The following SCHIP1 variants were observed in gnomAD, a reference collection of about 807,000 sequenced individuals.
SCHIP1 encodes the protein schwannomin interacting protein 1.
A neutral mutation model predicts 29.7 loss-of-function variants in SCHIP1; 8 were observed. The observed-to-expected ratio is 0.27, with a 90% confidence interval of 0.16 to 0.49. The LOEUF (loss-of-function observed/expected upper bound fraction) is 0.49. Ranked by LOEUF, SCHIP1 falls within the 20% of genes least tolerant of loss-of-function variation. The pLI is 0.99. For missense variants in SCHIP1, 193 were observed against 294.6 expected (o/e 0.66, Z 2.52); for synonymous variants, 76 against 94.9 (o/e 0.80, Z 1.16).
At chr3:159,576,081 A>G in the SCHIP1 span, among the ~76,000 whole-genome samples, 5 of 152,198 alleles carry the variant, frequency 3.3e-5, no homozygotes, top group Non-Finnish European at 5.9e-5. Context: ...CATAAAATAT[A>G]TATTTTCAAA....
chr3:159,538,511 GT>G, the SCHIP1 span, among the ~76,000 whole-genome samples: 2 of 152,128 alleles, frequency 1.3e-5, no homozygotes, highest in African/African-American at 4.8e-5. Context: ...ATCTCCTCTT[GT>G]GTGACAGTAG....
chr3:159,402,481 C>T, the SCHIP1 span, among the ~76,000 whole-genome samples: 1 of 152,264 alleles, frequency 6.6e-6, no homozygotes, highest in South Asian at 2.1e-4. Flanking sequence ...CATATGCACA[C>T]ATATATTTAT....
At chr3:159,511,648 AGTACAAG>A in the SCHIP1 span, among the ~76,000 whole-genome samples, 1 of 152,182 alleles carries the variant, frequency 6.6e-6, no homozygotes. Context: ...GCGTGGTTTC[AGTACAAG>A]GATAGACAGA....
chr3:159,376,896 G>C, the SCHIP1 span, among the ~76,000 whole-genome samples: 1 of 152,154 alleles, frequency 6.6e-6, no homozygotes, highest in African/African-American at 2.4e-5. Context: ...AGAACTTGTG[G>C]CTTCTGTTGC....
the SCHIP1 span, among the ~76,000 whole-genome samples, chr3:159,559,284 A>ATGT: frequency 1.3e-5 from 2 of 152,218 alleles, no homozygotes; most frequent in African/African-American, 4.8e-5. Flanking sequence ...CTTTCCCATT[A>ATGT]GTATACAGAG....
chr3:159,793,838 G>A, the SCHIP1 span, among the ~76,000 whole-genome samples: 2 of 152,170 alleles, frequency 1.3e-5, no homozygotes, highest in African/African-American at 4.8e-5. Flanking sequence ...GATTACAAGC[G>A]TGAGCCACTG....
chr3:159,489,257 CCTCT>C, the SCHIP1 span, among the ~76,000 whole-genome samples: 1 of 151,984 alleles, frequency 6.6e-6, no homozygotes, highest in African/African-American at 2.4e-5. Flanking sequence ...ATGTTGACTC[CCTCT>C]ATCTCTGTGA....
At chr3:159,494,935 T>C in the SCHIP1 span, among the ~76,000 whole-genome samples, 1 of 152,200 alleles carries the variant, frequency 6.6e-6, no homozygotes, top group African/African-American at 2.4e-5. Context: ...ATCCCTGGGA[T>C]GCAAGGCTGG....
chr3:159,626,147 GATATATATATATATCTAGATAT>G, the SCHIP1 span, among the ~76,000 whole-genome samples: 4 of 82,636 alleles, frequency 4.8e-5, no homozygotes, highest in South Asian at 3.2e-4. Context: ...GATATATCTA[GATATATATATATATCTAGATAT>G]ATCTATCTAT....
the SCHIP1 span, among the ~76,000 whole-genome samples, chr3:159,594,984 T>G: frequency 3.3e-5 from 5 of 152,054 alleles, no homozygotes; most frequent in African/African-American, 1.2e-4. Flanking sequence ...TCTAAAGAGC[T>G]CTTTGGCCAG....
chr3:159,492,213 C>T, the SCHIP1 span, among the ~76,000 whole-genome samples: 1 of 152,202 alleles, frequency 6.6e-6, no homozygotes. Context: ...TCCAAAGGAA[C>T]ACAGCTCCCT....
At chr3:159,713,070 G>T in the SCHIP1 span, among the ~76,000 whole-genome samples, 1 of 151,300 alleles carries the variant, frequency 6.6e-6, no homozygotes, top group African/African-American at 2.4e-5. Context: ...CAGGAGAATT[G>T]CTTGAACCTG....
the SCHIP1 span, among the ~76,000 whole-genome samples, chr3:159,477,332 T>C: frequency 1.3e-5 from 2 of 152,182 alleles, no homozygotes; most frequent in Non-Finnish European, 2.9e-5. Flanking sequence ...AATCATATGA[T>C]ATTTTTAATT....
chr3:159,784,489 C>T, the SCHIP1 span, among the ~76,000 whole-genome samples: 1 of 152,172 alleles, frequency 6.6e-6, no homozygotes, highest in Non-Finnish European at 1.5e-5. Flanking sequence ...CTCAGCTGAC[C>T]AGTTCATTAG....
chr3:159,596,946 A>G, the SCHIP1 span, among the ~76,000 whole-genome samples: 1 of 151,862 alleles, frequency 6.6e-6, no homozygotes, highest in African/African-American at 2.4e-5. Context: ...TTAAAGTATA[A>G]TAATAAAAAT....
At chr3:159,789,469 A>C in the SCHIP1 span, among the ~76,000 whole-genome samples, 4 of 152,254 alleles carry the variant, frequency 2.6e-5, no homozygotes, top group Non-Finnish European at 5.9e-5. Flanking sequence ...CCAAGTTGAC[A>C]CAAAATTAAC....
the SCHIP1 span, among the ~76,000 whole-genome samples, chr3:159,497,718 G>T: frequency 6.6e-6 from 1 of 151,682 alleles, no homozygotes; most frequent in Non-Finnish European, 1.5e-5. Flanking sequence ...AGGGAGTGAG[G>T]GAAGAAGGAA....
At chr3:159,719,663 T>C in the SCHIP1 span, among the ~76,000 whole-genome samples, 1 of 152,156 alleles carries the variant, frequency 6.6e-6, no homozygotes, top group African/African-American at 2.4e-5. Context: ...ATCAGAGAAA[T>C]GCAAACCAAA....
At chr3:159,533,672 G>A in the SCHIP1 span, among the ~76,000 whole-genome samples, 1 of 152,156 alleles carries the variant, frequency 6.6e-6, no homozygotes, top group Non-Finnish European at 1.5e-5. Context: ...GAGGCAGTGA[G>A]TGGATTGATT....
Sources: gnomAD v4.1 joint callset for allele counts (sites outside exome capture counted in the v4.1 genomes callset) on GRCh38, gnomAD v4.1.1 for gene constraint, MANE v1.5 for transcripts, NCBI Gene and HGNC (gene_info 2026-07-23, HGNC 2026-07-21) for gene names.